GNB1: variants seen among roughly 807,000 people sequenced by gnomAD.
The protein encoded by GNB1 is guanine nucleotide-binding protein G(I)/G(S)/G(T) subunit beta-1.
Under a neutral mutation model 42.9 loss-of-function variants are expected in GNB1, and 2 were observed. The observed-to-expected ratio is 0.05, with a 90% CI of 0.02 to 0.15. The LOEUF (loss-of-function observed/expected upper bound fraction) is 0.15. GNB1 is among the 10% of genes least tolerant of loss of function. The pLI is 1.00. For missense variants in GNB1, 193 were observed against 462.2 expected (o/e 0.42, Z 5.34); for synonymous variants, 183 against 174.7 (o/e 1.05, Z -0.38).
rs1434104938 is a variant in GNB1 at position 1,866,911 on chromosome 1, G to A, written c.-96+23909C>T. On this transcript the variant is annotated intron_variant, in intron 1 of 11. Coordinates refer to ENST00000378609, the MANE Select transcript of GNB1 (RefSeq NM_002074.5). ...GGAGCTTGCAGTGAGCTGAGATCGC[G>A]CCACTGCACTCCAACCTGGGGCACA... 5.3e-5 allele frequency among the ~76,000 whole-genome samples: 8 copies of A among 151,722 alleles called. No homozygotes were observed. In the East Asian group the frequency reaches 1.4e-3, roughly 26 times the overall value.
chr1:1,790,200 C>T lies in GNB1; in HGVS notation c.699+195G>A, dbSNP rs372427104. ...GGAACGGGGACTGGCATACAACACC[C>T]TGTGAGTATCTGTGAGACAAGTGGT... On this transcript the variant is annotated intron_variant, in intron 9 of 11. Transcript: ENST00000378609. This position sits in a 1 kb window ranked among gnomAD's most constrained non-coding sequence, Gnocchi z 5.4. Among the ~76,000 whole-genome samples the T allele has an allele frequency of 1.1e-4, 17 of 152,336 alleles. No individual in the cohort carries two copies. Among genetic ancestry groups the T allele is most frequent in the East Asian group, 9.6e-4 (5 of 5,194 alleles).
At chr1:1,823,022 C>A (rs1646952371) in intron 3 of GNB1, among the ~76,000 whole-genome samples, 1 of 151,782 alleles carries the variant, frequency 6.6e-6, no homozygotes, top group Admixed American at 6.6e-5. Context: ...GTGGGCGGAT[C>A]ACGAGGTCAG....
intron 2 of GNB1, among the ~76,000 whole-genome samples, chr1:1,836,865 T>G (rs1302307668): frequency 6.6e-6 from 1 of 150,650 alleles, no homozygotes; most frequent in Non-Finnish European, 1.5e-5. Flanking sequence ...ACTTTTTTTT[T>G]TTTTTTTTTT....
rs555645589 is a variant in GNB1, at chr1:1,841,446, T to C, written c.-95-2208A>G. On this transcript the variant is annotated intron_variant, in intron 1 of 11. Coordinates refer to ENST00000378609, the MANE Select transcript of GNB1 (RefSeq NM_002074.5). ...CCGCCTGTTTCAGCCTCCGAAAGTG[T>C]TGGGATTACAGGCCTGAGCCACTGA... Among the ~76,000 whole-genome samples, 20 of 152,232 alleles carry C rather than the reference T, an allele frequency of 1.3e-4. No individual in the cohort carries two copies. In the East Asian group the frequency reaches 1.4e-3, roughly 10 times the overall value.
chr1:1,845,975 A>G (rs1189996473), intron 1 of GNB1, among the ~76,000 whole-genome samples: 1 of 149,962 alleles, frequency 6.7e-6, no homozygotes, highest in Non-Finnish European at 1.5e-5. Flanking sequence ...CTTTAAAAGG[A>G]GCTTCAGGGT....
chr1:1,810,662 G>GT (rs1163998289), intron 5 of GNB1, among the ~76,000 whole-genome samples: 3 of 151,128 alleles, frequency 2.0e-5, no homozygotes. Context: ...CTTGCATGTA[G>GT]TTTTCTTTTT....
At chr1:1,825,635 C>A (rs544903815) in intron 2 of GNB1, 136 bp from the exon 3 acceptor site, 6 of 568,326 alleles carry the variant, frequency 1.1e-5, no homozygotes, top group Non-Finnish European at 1.9e-5. Flanking sequence ...GAGGCCGAGG[C>A]GGGCAGATCA....
intron 5 of GNB1, among the ~76,000 whole-genome samples, chr1:1,814,628 T>TG (rs1646825521): frequency 6.6e-6 from 1 of 151,762 alleles, no homozygotes. Flanking sequence ...AGGGAGACCC[T>TG]GTCTCTGTAA....
At chr1:1,800,912 C>A (rs1646616742) in intron 7 of GNB1, among the ~76,000 whole-genome samples, 1 of 152,262 alleles carries the variant, frequency 6.6e-6, no homozygotes, top group Non-Finnish European at 1.5e-5. Flanking sequence ...ACTGCATTAA[C>A]CATGACTTGT....
At chr1:1,818,878 A>G (rs542743409) in intron 3 of GNB1, among the ~76,000 whole-genome samples, 10 of 152,134 alleles carry the variant, frequency 6.6e-5, no homozygotes, top group African/African-American at 2.2e-4. Context: ...AAACAAAAAT[A>G]ATAATAAAAT....
chr1:1,852,357 T>G (rs1458498209), intron 1 of GNB1, among the ~76,000 whole-genome samples: 1 of 151,998 alleles, frequency 6.6e-6, no homozygotes, highest in Admixed American at 6.6e-5. Context: ...GCCTCCCAAG[T>G]AGCTGGGACT....
At chr1:1,878,157 G>A (rs188832449) in intron 1 of GNB1, among the ~76,000 whole-genome samples, 102 of 152,300 alleles carry the variant, frequency 6.7e-4, no homozygotes, top group Non-Finnish European at 1.2e-3. Context: ...TGAGGACCAC[G>A]CAGTAATAGC....
At chr1:1,834,181 T>C (rs1449454150) in intron 2 of GNB1, among the ~76,000 whole-genome samples, 2 of 151,966 alleles carry the variant, frequency 1.3e-5, no homozygotes, top group South Asian at 2.1e-4. Context: ...GGAACTATGG[T>C]GTGCGGTCAC....
chr1:1,824,738 A>C (rs1319683016), intron 3 of GNB1, among the ~76,000 whole-genome samples: 1 of 151,882 alleles, frequency 6.6e-6, no homozygotes, highest in Admixed American at 6.6e-5. Context: ...ACACCCAGCT[A>C]ATTTTTATAT....
chr1:1,845,264 T>C (rs1647569242), intron 1 of GNB1, among the ~76,000 whole-genome samples: 1 of 152,116 alleles, frequency 6.6e-6, no homozygotes, highest in Non-Finnish European at 1.5e-5. Context: ...TTAAGCGTCA[T>C]ATTGGTGGCA....
intron 6 of GNB1, among the ~76,000 whole-genome samples, chr1:1,805,885 A>G (rs1432490612): frequency 6.6e-6 from 1 of 152,210 alleles, no homozygotes; most frequent in East Asian, 1.9e-4. Flanking sequence ...GGACATTCCT[A>G]CAATCTACCC....
In GNB1 at chr1:1,799,675, G is replaced by A. The variant is rs79406300; in HGVS notation, c.430+4744C>T. On this transcript the variant is annotated intron_variant, in intron 7 of 11. Coordinates refer to ENST00000378609, the MANE Select transcript of GNB1 (RefSeq NM_002074.5). ...CGAAACACCTGAAAGCATGAAAACA[G>A]GAGCAGGTAGAAACTGGAGGAGTCT... Among the ~76,000 whole-genome samples, 1,324 of 152,318 alleles carry A rather than the reference G, an allele frequency of 8.7e-3. 23 individuals carry two copies. Among genetic ancestry groups the A allele is most frequent in the African/African-American group, 0.031 (1,269 of 41,568 alleles).
intron 1 of GNB1, among the ~76,000 whole-genome samples, chr1:1,840,267 G>C (rs1435303959): frequency 6.6e-6 from 1 of 150,874 alleles, no homozygotes; most frequent in Admixed American, 6.6e-5. Context: ...CGTGGCTCCT[G>C]CCTGTAATCC....
chr1:1,825,552 A>G (rs1386556620), intron 2 of GNB1, 53 bp from the exon 3 acceptor site: 4 of 950,870 alleles, frequency 4.2e-6, no homozygotes, highest in Non-Finnish European at 6.9e-6. Context: ...TAATTTAATG[A>G]AGCAGGTGAG....
Sources: allele counts gnomAD v4.1 joint callset (sites outside exome capture counted in the v4.1 genomes callset), GRCh38; gene constraint gnomAD v4.1.1; non-coding constraint Gnocchi (gnomAD v3.1); transcripts MANE v1.5; gene names NCBI Gene and HGNC (gene_info 2026-07-23, HGNC 2026-07-21).